The following SLC35B3 variants were observed in gnomAD, a reference collection of about 807,000 sequenced individuals.
SLC35B3 encodes the protein solute carrier family 35 member B3.
In SLC35B3, 35 loss-of-function variants were observed where a neutral mutation model predicts 44.1. That is an observed-to-expected ratio of 0.79 (90% CI 0.61 to 1.05). The LOEUF (loss-of-function observed/expected upper bound fraction) is 1.05, where lower values mean the gene tolerates loss of function less well. SLC35B3 is among the 50% of genes least tolerant of loss of function. The pLI, the probability that SLC35B3 is intolerant of heterozygous loss-of-function variation, is 0.00. For synonymous variants in SLC35B3, 146 were observed against 167.3 expected, an observed-to-expected ratio of 0.87 and a Z score of 0.98; for missense variants, 414 against 476.4, an observed-to-expected ratio of 0.87 and a Z score of 1.22.
Position 8,430,114 on chromosome 6 carries a change from T to C in SLC35B3, c.47A>G (p.Gln16Arg), listed in dbSNP as rs200334994. ...TTCAGAGTTATTTTTGTTGGTTTCC[T>C]GGACTGTTATGTTCTGTATGTCTTT... The change falls in exon 3 of 11, where the codon CAG becomes CGG. Residue 16 changes from glutamine to arginine, a missense_variant. Gln to Arg is a conservative substitution (Grantham distance 43). Transcript: ENST00000644923. 1.2e-6 allele frequency: 2 copies of C among 1,611,428 alleles called. No individual in the cohort carries two copies. The highest frequency in any genetic ancestry group is 1.7e-6 in the Non-Finnish European group (2 of 1,178,624).
At position 8,422,543 on chromosome 6, in the gene SLC35B3, C is replaced by G. The variant is rs1762995925; in HGVS notation, c.501G>C (p.Leu167=). 6.2e-7 allele frequency: 1 copy of G among 1,613,220 alleles called. No individual in the cohort carries two copies. The highest frequency in any genetic ancestry group is 1.3e-5 in the African/African-American group (1 of 74,906). ...TGAAGATGACTTGGGTAGGGTAATT[C>G]AGGTAGCCCAAGGAAGTGTTTGATA... Residue 167 remains leucine (L), a synonymous_variant, in exon 5 of 11, where the codon CTG becomes CTC. Transcript: ENST00000644923.
At chr6:8,431,006 C>A (rs952121737) in intron 2 of SLC35B3, among the ~76,000 whole-genome samples, 2 of 152,158 alleles carry the variant, frequency 1.3e-5, no homozygotes, top group African/African-American at 2.4e-5. Flanking sequence ...GCAGTAGCAT[C>A]TCTTAGGTTA....
Position 8,433,155 on chromosome 6 carries a change from C to G in SLC35B3, c.3+1230G>C, listed in dbSNP as rs745536200. 6.6e-6 allele frequency among the ~76,000 whole-genome samples: 1 copy of G among 152,156 alleles called. No homozygotes were observed. Among genetic ancestry groups the G allele is most frequent in the Admixed American group, 6.6e-5 (1 of 15,264 alleles). On this transcript the variant is annotated intron_variant, in intron 2 of 10. Transcript: ENST00000644923. This position sits in a 1 kb window ranked among gnomAD's most constrained non-coding sequence, Gnocchi z 4.1. Reference sequence around the variant, plus strand: ...TCTAATATCTGTTTCGGACCCTACTCCATCAGGCAGCCATTTTCTCTTGCC... The same window carrying G: ...TCTAATATCTGTTTCGGACCCTACTGCATCAGGCAGCCATTTTCTCTTGCC...
Position 8,411,881 on chromosome 6 carries a change from C to A in SLC35B3, c.*1668G>T, listed in dbSNP as rs1019289159. Among the ~76,000 whole-genome samples, 14 of 152,140 alleles carry A rather than the reference C, an allele frequency of 9.2e-5. No homozygotes were observed. The highest frequency in any genetic ancestry group is 3.4e-4 in the African/African-American group (14 of 41,520). ...AGAATAACAGTATTTTTAAAAAATA[C>A]AATAGAAGCAATTCTAAAAATCACT... On this transcript the variant is annotated 3_prime_UTR_variant, in exon 11 of 11. Coordinates refer to ENST00000644923, the MANE Select transcript of SLC35B3 (RefSeq NM_001370476.2).
rs887492524 is a variant in SLC35B3 at position 8,425,285 on chromosome 6, C to T, written c.419+2652G>A. Among the ~76,000 whole-genome samples the T allele has an allele frequency of 5.3e-5, 8 of 152,224 alleles. 1 individual carries two copies. The South Asian group carries it at 1.7e-3, about 32-fold the overall frequency. On this transcript the variant is annotated intron_variant, in intron 4 of 10. Transcript: ENST00000644923. ...TAGTGTCTTTTACCTTAGAAGCAAT[C>T]TTACCTTAGAAGGCCCAGTAGTTTG...
chr6:8,420,606 T>A lies in SLC35B3; in HGVS notation c.682+115A>T, dbSNP rs1473882824. 1.5e-6 allele frequency: 1 copy of A among 679,518 alleles called. No individual in the cohort carries two copies. The highest frequency in any genetic ancestry group is 2.5e-6 in the Non-Finnish European group (1 of 393,290). 42.1% of individuals were successfully genotyped at this position (679,518 alleles called of 1,614,324 possible). ...TATGGAAAGTCCAAAAGCTTTATGTTAGATATGAAAATTGCAGCTGTCACA... is the reference window on the plus strand; with the variant it reads ...TATGGAAAGTCCAAAAGCTTTATGTAAGATATGAAAATTGCAGCTGTCACA... On this transcript the variant is annotated intron_variant, in intron 6 of 10. Transcript: ENST00000644923. The surrounding 1 kb of genome is among the most constrained non-coding windows in gnomAD (Gnocchi z 4.4).
intron 4 of SLC35B3, 137 bp from the exon 4 acceptor site, chr6:8,422,761 A>T: frequency 1.5e-6 from 1 of 673,986 alleles, no homozygotes; most frequent in Non-Finnish European, 2.4e-6. Flanking sequence ...AGTAAAAAAT[A>T]TCACTATTTA....
In SLC35B3 at chr6:8,416,898, A is replaced by G; in HGVS notation, c.971T>C (p.Leu324Pro). ...ATCCCTCCTACCTGTTACAGCAATA[A>G]GTGCACCAAAAATTTTAATCAAAGC... Residue 324 changes from leucine to proline, a missense_variant, in exon 9 of 11, where the codon CTT becomes CCT. Coordinates refer to ENST00000644923, the MANE Select transcript of SLC35B3 (RefSeq NM_001370476.2). 1.9e-6 allele frequency: 3 copies of G among 1,556,106 alleles called. No homozygotes were observed. Among genetic ancestry groups the G allele is most frequent in the Non-Finnish European group, 2.6e-6 (3 of 1,137,560 alleles).
Position 8,430,017 on chromosome 6 carries a change from C to T in SLC35B3, c.144G>A (p.Val48=), listed in dbSNP as rs1763814031. 1 of 1,613,958 alleles carries T rather than the reference C, an allele frequency of 6.2e-7. No homozygotes were observed. The change falls in exon 3 of 11, where the codon GTG becomes GTA. Residue 48 remains valine, a synonymous_variant. Transcript: ENST00000644923. ...GTGACATTGTTTGGGTTTTGGATGGCACAGTGATAGAAATATATTTCCTGG... is the reference window on the plus strand; with the variant it reads ...GTGACATTGTTTGGGTTTTGGATGGTACAGTGATAGAAATATATTTCCTGG...
chr6:8,435,287 T>C lies in SLC35B3; in HGVS notation c.-44+56A>G. The C allele has an allele frequency of 2.3e-6, 3 of 1,289,348 alleles. No individual in the cohort carries two copies. Among genetic ancestry groups the C allele is most frequent in the Non-Finnish European group, 2.0e-6 (2 of 988,854 alleles). The allele number at this position is 1,289,348 out of a possible 1,614,324, so 79.9% of individuals were successfully genotyped here. ...GAAGATGGGCAGTGTCAAGGTTTTCTGGAGGAGAGGAGATCTGGGTCCCAA... is the reference window on the plus strand; with the variant it reads ...GAAGATGGGCAGTGTCAAGGTTTTCCGGAGGAGAGGAGATCTGGGTCCCAA... On this transcript the variant is annotated intron_variant, in intron 1 of 10. Coordinates refer to ENST00000644923, the MANE Select transcript of SLC35B3 (RefSeq NM_001370476.2). This position sits in a 1 kb window ranked among gnomAD's most constrained non-coding sequence, Gnocchi z 5.5.
chr6:8,421,858 G>T lies in SLC35B3; in HGVS notation c.574+612C>A, dbSNP rs190189026. ...AAAAGGGACCTTTCCACGTACTTTT[G>T]AACTAGACCTTTAATACGTAAATAT... is the stretch of plus-strand genomic sequence containing the variant. On this transcript the variant is annotated intron_variant, in intron 5 of 10. Coordinates refer to ENST00000644923, the MANE Select transcript of SLC35B3 (RefSeq NM_001370476.2). Among the ~76,000 whole-genome samples, 6 of 152,296 alleles carry T rather than the reference G, an allele frequency of 3.9e-5. No individual in the cohort carries two copies. The East Asian group carries it at 1.2e-3, about 29-fold the overall frequency.
At position 8,434,489 on chromosome 6, in the gene SLC35B3, ACAT is replaced by A; in HGVS notation, c.-43-62_-43-60del. 7.1e-7 allele frequency: 1 copy of A among 1,407,956 alleles called. No homozygotes were observed. Among genetic ancestry groups the A allele is most frequent in the Non-Finnish European group, 9.8e-7 (1 of 1,016,430 alleles). 87.2% of individuals were successfully genotyped at this position (1,407,956 alleles called of 1,614,324 possible). Reference sequence around the variant, plus strand: ...AGTTCCATCTCATTTCTTTGTACACACATCATTACACAAAGGTGGAGAAACCCT... The same window carrying A: ...AGTTCCATCTCATTTCTTTGTACACACATTACACAAAGGTGGAGAAACCCT... On this transcript the variant is annotated intron_variant, in intron 1 of 10. Transcript: ENST00000644923. The surrounding 1 kb of genome is among the most constrained non-coding windows in gnomAD (Gnocchi z 6.3).
Position 8,419,668 on chromosome 6 carries a change from A to G in SLC35B3, c.692T>C (p.Leu231Pro). ...ATCTGCACATAGTGCCAGGGAAATA[A>G]GCACCACACCTTCAAGAAGGTATTA... Residue 231 changes from leucine to proline, a missense_variant, in exon 7 of 11, where the codon CTT becomes CCT. Leu to Pro is a moderately conservative substitution (Grantham distance 98). Coordinates refer to ENST00000644923, the MANE Select transcript of SLC35B3 (RefSeq NM_001370476.2). This position sits in a 1 kb window ranked among gnomAD's most constrained non-coding sequence, Gnocchi z 4.3. The G allele has an allele frequency of 6.6e-7, 1 of 1,517,954 alleles. No homozygotes were observed. Among genetic ancestry groups the G allele is most frequent in the Admixed American group, 1.9e-5 (1 of 52,726 alleles). 94.0% of individuals were successfully genotyped at this position (1,517,954 alleles called of 1,614,324 possible). A position where few individuals can be genotyped will look rare whatever the true frequency, so the allele number is the denominator to read the frequency against.
At chr6:8,426,810 C>T (rs4367418) in intron 4 of SLC35B3, among the ~76,000 whole-genome samples, 4,333 of 152,140 alleles carry the variant, frequency 0.028, 226 homozygotes, top group African/African-American at 0.097. Context: ...CAGAAGAAGA[C>T]AGGAAAATGT....
At position 8,413,554 on chromosome 6, in the gene SLC35B3, C is replaced by T; in HGVS notation, c.1201G>A (p.Val401Ile). 3 of 1,607,468 alleles carry T rather than the reference C, an allele frequency of 1.9e-6. No individual in the cohort carries two copies. Among genetic ancestry groups the T allele is most frequent in the Non-Finnish European group, 2.5e-6 (3 of 1,177,474 alleles). The change falls in exon 11 of 11, where the codon GTA becomes ATA. Residue 401 changes from valine (V) to isoleucine (I), a missense_variant. By Grantham distance (29) the Val-to-Ile change is conservative. Transcript: ENST00000644923. ...TTAAATAGGACAATCACTGTCTATACAGTCTGTGCCAGCGTCCTTGACTTT... is the reference window on the plus strand; with the variant it reads ...TTAAATAGGACAATCACTGTCTATATAGTCTGTGCCAGCGTCCTTGACTTT...
chr6:8,416,455 T>C (rs1263119452), intron 9 of SLC35B3, among the ~76,000 whole-genome samples: 1 of 152,202 alleles, frequency 6.6e-6, no homozygotes, highest in East Asian at 1.9e-4. Context: ...GAAGCTAATC[T>C]GGTTGATGTC....
rs1368845934 is a variant in SLC35B3, at chr6:8,435,252, T to C, written c.-44+91A>G. Reference sequence around the variant, plus strand: ...CCTCATCCATTCCTCGAACGCTCCTTCTGGATGAGGAAGATGGGCAGTGTC... The same window carrying C: ...CCTCATCCATTCCTCGAACGCTCCTCCTGGATGAGGAAGATGGGCAGTGTC... On this transcript the variant is annotated intron_variant, in intron 1 of 10. Transcript: ENST00000644923. The surrounding 1 kb of genome is among the most constrained non-coding windows in gnomAD (Gnocchi z 5.5). 3.1e-6 allele frequency: 4 copies of C among 1,289,224 alleles called. No individual in the cohort carries two copies. In the South Asian group the frequency reaches 4.9e-5, roughly 16 times the overall value. 79.9% of individuals were successfully genotyped at this position (1,289,224 alleles called of 1,614,324 possible). A position where few individuals can be genotyped will look rare whatever the true frequency, so the allele number is the denominator to read the frequency against.
chr6:8,424,419 T>C (rs3778266), intron 4 of SLC35B3, among the ~76,000 whole-genome samples: 77,197 of 151,970 alleles, frequency 0.51, 20,775 homozygotes, highest in African/African-American at 0.71. Context: ...CGCCACCATG[T>C]CCAGCTAATT....
chr6:8,422,776 CTG>C, intron 4 of SLC35B3, 152 bp from the exon 4 acceptor site: 1 of 622,902 alleles, frequency 1.6e-6, no homozygotes, highest in Non-Finnish European at 2.7e-6. Context: ...TATTTAAAAA[CTG>C]TAATGCTCTT....
Sources: gnomAD v4.1 joint callset for allele counts (sites outside exome capture counted in the v4.1 genomes callset) on GRCh38, gnomAD v4.1.1 for gene constraint, Gnocchi (gnomAD v3.1) non-coding constraint, MANE v1.5 for transcripts, NCBI Gene and HGNC (gene_info 2026-07-23, HGNC 2026-07-21) for gene names.